The following PNMA8B variants were observed in gnomAD, a reference collection of about 807,000 sequenced individuals.
The protein encoded by PNMA8B is PNMA family member 8B, also known as paraneoplastic antigen-like protein 8B.
For missense variants in PNMA8B, 887 were observed against 885.8 expected (o/e 1.00, Z -0.02); for synonymous variants, 386 against 394.9 (o/e 0.98, Z 0.27).
Position 46,492,929 on chromosome 19 carries a change from T to C in PNMA8B, c.*629A>G, listed in dbSNP as rs11882222. 29,139 of 140,714 alleles carry C rather than the reference T, an allele frequency of 0.21. 3,334 individuals are homozygous for C. The highest frequency in any genetic ancestry group is 0.41 in the East Asian group (1,934 of 4,686). 8.7% of individuals were successfully genotyped at this position (140,714 alleles called of 1,614,324 possible). On this transcript the variant is annotated 3_prime_UTR_variant, in exon 1 of 1. Coordinates refer to ENST00000599531, the MANE Select transcript of PNMA8B (RefSeq NM_020709.3). ...TCCCTCTGCTCCCCCCTCCCCCTCC[T>C]CCTCCTCTTTCCCTTCTCCCACCGT...
chr19:46,495,560 C>G lies in PNMA8B; in HGVS notation c.-95G>C. 2 of 1,452,356 alleles carry G rather than the reference C, an allele frequency of 1.4e-6. No individual in the cohort carries two copies. Among genetic ancestry groups the G allele is most frequent in the South Asian group, 2.9e-5 (2 of 69,630 alleles). The allele number at this position is 1,452,356 out of a possible 1,614,324, so 90.0% of individuals were successfully genotyped here. On this transcript the variant is annotated 5_prime_UTR_variant, in exon 1 of 1. Transcript: ENST00000599531. ...GTGTCAATGCAACCCTAGAAAGCCA[C>G]TTGCAGGGCTTAGAGTCCCGGTTCC...
rs2147482718 is a variant in PNMA8B at position 46,492,238 on chromosome 19, GCA to G, written c.*1318_*1319del. ...AGGGAATGGAAATTGGGACGAGGAA[GCA>G]CACACATTGCCCCAGGGACAAGAAG... is the stretch of plus-strand genomic sequence containing the variant. On this transcript the variant is annotated 3_prime_UTR_variant, in exon 1 of 1. Transcript: ENST00000599531. 1 of 375,646 alleles carries G rather than the reference GCA, an allele frequency of 2.7e-6. No individual in the cohort carries two copies. The highest frequency in any genetic ancestry group is 2.1e-5 in the African/African-American group (1 of 48,276). The allele number at this position is 375,646 out of a possible 1,614,324, so 23.3% of individuals were successfully genotyped here.
rs1484001230 is a variant in PNMA8B, at chr19:46,495,348, G to A, written c.118C>T (p.Gln40Ter). The A allele has an allele frequency of 7.8e-7, 1 of 1,288,086 alleles. No homozygotes were observed. The highest frequency in any genetic ancestry group is 1.7e-5 in the Admixed American group (1 of 59,632). The allele number at this position is 1,288,086 out of a possible 1,614,324, so 79.8% of individuals were successfully genotyped here. Residue 40 changes from glutamine (Q) to a stop codon, truncating the protein, a stop_gained, in exon 1 of 1, where the codon CAG (glutamine) becomes TAG (stop). Coordinates refer to ENST00000599531, the MANE Select transcript of PNMA8B (RefSeq NM_020709.3). LOFTEE classifies it low-confidence loss of function (END_TRUNC). Reference sequence around the variant, plus strand: ...GTGCCCAGGGGCAGGAGGGTCGGCTGCAGGACGGCTTCGACGTCTGCCTGC... The same window carrying A: ...GTGCCCAGGGGCAGGAGGGTCGGCTACAGGACGGCTTCGACGTCTGCCTGC... Reference protein sequence around the residue: ...LEQADVEAVLQPTLLPLGTFR... With the variant: ...LEQADVEAVL
chr19:46,493,550 G>A lies in PNMA8B; in HGVS notation c.*8C>T. The A allele has an allele frequency of 7.4e-7, 1 of 1,353,876 alleles. No homozygotes were observed. The highest frequency in any genetic ancestry group is 1.5e-5 in the African/African-American group (1 of 66,260). The allele number at this position is 1,353,876 out of a possible 1,614,324, so 83.9% of individuals were successfully genotyped here. A position where few individuals can be genotyped will look rare whatever the true frequency, so the allele number is the denominator to read the frequency against. On this transcript the variant is annotated 3_prime_UTR_variant, in exon 1 of 1. Transcript: ENST00000599531. The surrounding 1 kb of genome is among the most constrained non-coding windows in gnomAD (Gnocchi z 5.3). Reference sequence around the variant, plus strand: ...TGCTCGCAGCCTGGGCGGCTTCTTGGGGGGCCACTAGCGGCATTTAGGGGG... The same window carrying A: ...TGCTCGCAGCCTGGGCGGCTTCTTGAGGGGCCACTAGCGGCATTTAGGGGG...
At position 46,495,318 on chromosome 19, in the gene PNMA8B, T is replaced by C. The variant is rs1391971693; in HGVS notation, c.148A>G (p.Arg50Gly). 1 of 1,328,886 alleles carries C rather than the reference T, an allele frequency of 7.5e-7. No individual in the cohort carries two copies. The allele number at this position is 1,328,886 out of a possible 1,614,324, so 82.3% of individuals were successfully genotyped here. A position where few individuals can be genotyped will look rare whatever the true frequency, so the allele number is the denominator to read the frequency against. ...QPTLLPLGTF[R>G]LRHMKALMNE... is the part of the protein sequence containing the mutation. ...ATCAAAGCCTTCATGTGTCGCAACC[T>C]GAACGTGCCCAGGGGCAGGAGGGTC... The change falls in exon 1 of 1, where the codon AGG (arginine) becomes GGG (glycine). Residue 50 changes from arginine (R) to glycine (G), a missense_variant. Transcript: ENST00000599531.
At position 46,494,276 on chromosome 19, in the gene PNMA8B, A is replaced by G. The variant is rs770703921; in HGVS notation, c.1190T>C (p.Val397Ala). The change falls in exon 1 of 1, where the codon GTG (valine) becomes GCG (alanine). Residue 397 changes from valine (V) to alanine (A), a missense_variant. By Grantham distance (64) the Val-to-Ala change is moderately conservative. Coordinates refer to ENST00000599531, the MANE Select transcript of PNMA8B (RefSeq NM_020709.3). ...RVKVEEAGRE[V>A]DAVVLRKAGD... ...GGCCTTGCGCAGGACCACGGCGTCC[A>G]CCTCGCGGCCCGCCTCTTCCACCTT... 1.2e-6 allele frequency: 2 copies of G among 1,609,782 alleles called. No individual in the cohort carries two copies. The highest frequency in any genetic ancestry group is 1.7e-6 in the Non-Finnish European group (2 of 1,179,310).
chr19:46,494,143 G>T lies in PNMA8B; in HGVS notation c.1323C>A (p.His441Gln). ...GRGLFGGWSE[H>Q]REDEGGLLEL... ...CCAGAAGACCCCCTTCGTCCTCACG[G>T]TGCTCGCTCCAGCCCCCGAAGAGGC... is the stretch of plus-strand genomic sequence containing the variant. The change falls in exon 1 of 1, where the codon CAC becomes CAA. Residue 441 changes from histidine to glutamine, a missense_variant. Coordinates refer to ENST00000599531, the MANE Select transcript of PNMA8B (RefSeq NM_020709.3). 2.5e-6 allele frequency: 4 copies of T among 1,611,056 alleles called. No individual in the cohort carries two copies. The highest frequency in any genetic ancestry group is 3.4e-6 in the Non-Finnish European group (4 of 1,179,870).
In PNMA8B at chr19:46,495,615, C is replaced by T. The variant is rs1299658636; in HGVS notation, c.-150G>A. ...AATGTGGCAAGGCTGGAGTGGGGCT[C>T]GGGGCTCGGGGGCTCTAGCTGCCTG... is the stretch of plus-strand genomic sequence containing the variant. On this transcript the variant is annotated 5_prime_UTR_variant, in exon 1 of 1. Transcript: ENST00000599531. The T allele has an allele frequency of 4.5e-5, 45 of 992,348 alleles. No individual in the cohort carries two copies. The South Asian group carries it at 6.9e-4, about 15-fold the overall frequency. 61.5% of individuals were successfully genotyped at this position (992,348 alleles called of 1,614,324 possible). A position where few individuals can be genotyped will look rare whatever the true frequency, so the allele number is the denominator to read the frequency against.
In PNMA8B at chr19:46,493,631, G is replaced by T. The variant is rs1350261787; in HGVS notation, c.1835C>A (p.Ala612Glu). The T allele has an allele frequency of 6.5e-7, 1 of 1,533,716 alleles. No individual in the cohort carries two copies. Among genetic ancestry groups the T allele is most frequent in the Non-Finnish European group, 8.7e-7 (1 of 1,151,046 alleles). The change falls in exon 1 of 1, where the codon GCG becomes GAG. Residue 612 changes from alanine (A) to glutamate (E), a missense_variant. Transcript: ENST00000599531. This position sits in a 1 kb window ranked among gnomAD's most constrained non-coding sequence, Gnocchi z 5.3. ...GCGCGCGGCCTTGGATCCAGTGGGC[G>T]CCTGGCCCTTGGCCTCGCCTGCCCT... ...HARAGEAKGQ[A>E]PTGSKAARGK...
In PNMA8B at chr19:46,491,191, G is replaced by A. The variant is rs1237756282; in HGVS notation, c.*2367C>T. 2 of 152,284 alleles carry A rather than the reference G, an allele frequency of 1.3e-5. No homozygotes were observed. The highest frequency in any genetic ancestry group is 2.9e-5 in the Non-Finnish European group (2 of 68,080). The allele number at this position is 152,284 out of a possible 1,614,324, so 9.4% of individuals were successfully genotyped here. On this transcript the variant is annotated 3_prime_UTR_variant, in exon 1 of 1. Transcript: ENST00000599531. The stretch of plus-strand genomic sequence containing the variant: ...TTGTGACGTGGCTGGGAAGACTGAG[G>A]ACATGCATGTGTATTTTTATTTAAT...
chr19:46,495,206 C>T lies in PNMA8B; in HGVS notation c.260G>A (p.Gly87Glu), dbSNP rs1217564478. The change falls in exon 1 of 1, where the codon GGG becomes GAG. Residue 87 changes from glycine to glutamate, a missense_variant. Gly to Glu is a moderately conservative substitution (Grantham distance 98). Coordinates refer to ENST00000599531, the MANE Select transcript of PNMA8B (RefSeq NM_020709.3). ...GTCCTTCCACAGAACCCTCCAGACC[C>T]CATCCTTGCCTGGGATCTCCCTGGG... is the stretch of plus-strand genomic sequence containing the variant. ...AIPREIPGKD[G>E]VWRVLWKDRA... The T allele has an allele frequency of 6.2e-7, 1 of 1,613,724 alleles. No individual in the cohort carries two copies. Among genetic ancestry groups the T allele is most frequent in the Non-Finnish European group, 8.5e-7 (1 of 1,179,596 alleles).
rs1324660910 is a variant in PNMA8B at position 46,491,594 on chromosome 19, G to C, written c.*1964C>G. 1 of 152,436 alleles carries C rather than the reference G, an allele frequency of 6.6e-6. No homozygotes were observed. Among genetic ancestry groups the C allele is most frequent in the Non-Finnish European group, 1.5e-5 (1 of 68,358 alleles). The allele number at this position is 152,436 out of a possible 1,614,324, so 9.4% of individuals were successfully genotyped here. A position where few individuals can be genotyped will look rare whatever the true frequency, so the allele number is the denominator to read the frequency against. The stretch of plus-strand genomic sequence containing the variant: ...GTCTCCATGGGTGTCCAGGGGCTTC[G>C]GAGCTGAGGCTGGAAGTGGGGAGGC... On this transcript the variant is annotated 3_prime_UTR_variant, in exon 1 of 1. Coordinates refer to ENST00000599531, the MANE Select transcript of PNMA8B (RefSeq NM_020709.3).
rs1441323858 is a variant in PNMA8B at position 46,494,381 on chromosome 19, C to A, written c.1085G>T (p.Trp362Leu). Residue 362 changes from tryptophan to leucine, a missense_variant, in exon 1 of 1, where the codon TGG becomes TTG. Trp to Leu is a moderately conservative substitution (Grantham distance 61, BLOSUM62 -2). Transcript: ENST00000599531. ...GTCTCGCTTGTCTTTCTCGTCGCTC[C>A]AGCCCAGCGACTCGATAACAGAAGC... ...KIASVIESLG[W>L]SDEKDKRDPL... 8 of 1,613,298 alleles carry A rather than the reference C, an allele frequency of 5.0e-6. No individual in the cohort carries two copies. The African/African-American group carries it at 1.1e-4, about 22-fold the overall frequency.
chr19:46,495,118 C>CGTG lies in PNMA8B; in HGVS notation c.345_347dup (p.Thr116dup). Reference sequence around the variant, plus strand: ...CGGGGGTCCCAGCCTCCGCGGCCTGCGTGGGCCCGTCATCCAGCAGCAGGC... The same window carrying CGTG: ...CGGGGGTCCCAGCCTCCGCGGCCTGCGTGGTGGGCCCGTCATCCAGCAGCAGGC... On this transcript the variant is annotated inframe_insertion, in exon 1 of 1. Transcript: ENST00000599531. The CGTG allele has an allele frequency of 6.2e-7, 1 of 1,613,694 alleles. No homozygotes were observed. Among genetic ancestry groups the CGTG allele is most frequent in the South Asian group, 1.1e-5 (1 of 91,074 alleles).
Position 46,493,971 on chromosome 19 carries a change from A to G in PNMA8B, c.1495T>C (p.Ser499Pro). Residue 499 changes from serine to proline, a missense_variant, in exon 1 of 1, where the codon TCC (serine) becomes CCC (proline). By Grantham distance (74) the Ser-to-Pro change is moderately conservative (BLOSUM62 -1). Transcript: ENST00000599531. The surrounding 1 kb of genome is among the most constrained non-coding windows in gnomAD (Gnocchi z 5.3). ...GAAGCCTCCTCCGACCCCTCGTTGGACCCCATGTTCTCCCGGGCGGCCAGG... is the reference window on the plus strand; with the variant it reads ...GAAGCCTCCTCCGACCCCTCGTTGGGCCCCATGTTCTCCCGGGCGGCCAGG... Reference protein sequence around the residue: ...ALLAARENMGSNEGSEEASDE... With the variant: ...ALLAARENMGPNEGSEEASDE... The G allele has an allele frequency of 6.2e-7, 1 of 1,609,738 alleles. No homozygotes were observed. Among genetic ancestry groups the G allele is most frequent in the African/African-American group, 1.4e-5 (1 of 73,374 alleles).
rs967833590 is a variant in PNMA8B, at chr19:46,494,354, G to T, written c.1112C>A (p.Pro371His). The T allele has an allele frequency of 1.2e-6, 2 of 1,613,224 alleles. No individual in the cohort carries two copies. The highest frequency in any genetic ancestry group is 3.3e-5 in the Admixed American group (2 of 60,028). ...GWSDEKDKRDPLRQVLSVMSK... is the reference protein window; with the variant it reads ...GWSDEKDKRDHLRQVLSVMSK... ...CATGACGGACAAGACCTGTCGGAGG[G>T]GGTCTCGCTTGTCTTTCTCGTCGCT... Residue 371 changes from proline (P) to histidine (H), a missense_variant, in exon 1 of 1, where the codon CCC becomes CAC. By Grantham distance (77) the Pro-to-His change is moderately conservative. Coordinates refer to ENST00000599531, the MANE Select transcript of PNMA8B (RefSeq NM_020709.3).
In PNMA8B at chr19:46,495,552, G is replaced by A; in HGVS notation, c.-87C>T. 1 of 1,474,388 alleles carries A rather than the reference G, an allele frequency of 6.8e-7. No homozygotes were observed. 91.3% of individuals were successfully genotyped at this position (1,474,388 alleles called of 1,614,324 possible). On this transcript the variant is annotated 5_prime_UTR_variant, in exon 1 of 1. Coordinates refer to ENST00000599531, the MANE Select transcript of PNMA8B (RefSeq NM_020709.3). ...AGCGCACGGTGTCAATGCAACCCTA[G>A]AAAGCCACTTGCAGGGCTTAGAGTC...
rs1970053645 is a variant in PNMA8B, at chr19:46,494,195, G to A, written c.1271C>T (p.Pro424Leu). 1.9e-6 allele frequency: 3 copies of A among 1,609,372 alleles called. No homozygotes were observed. The highest frequency in any genetic ancestry group is 2.5e-6 in the Non-Finnish European group (3 of 1,179,838). The change falls in exon 1 of 1, where the codon CCT (proline) becomes CTT (leucine). Residue 424 changes from proline to leucine, a missense_variant. By Grantham distance (98) the Pro-to-Leu change is moderately conservative. Coordinates refer to ENST00000599531, the MANE Select transcript of PNMA8B (RefSeq NM_020709.3). ...ACGCCCAGCCTTCTTCGCCTGGGGA[G>A]GGAGATCCGGCTGCGCCAAGGTGGA... Reference protein sequence around the residue: ...CISTLAQPDLPPQAKKAGRGL... With the variant: ...CISTLAQPDLLPQAKKAGRGL...
rs759387599 is a variant in PNMA8B at position 46,494,909 on chromosome 19, G to A, written c.557C>T (p.Pro186Leu). 8 of 1,611,740 alleles carry A rather than the reference G, an allele frequency of 5.0e-6. No individual in the cohort carries two copies. The South Asian group carries it at 6.6e-5, about 13-fold the overall frequency. ...KGKKRSRGGRPSAPARSEAED... is the reference protein window; with the variant it reads ...KGKKRSRGGRLSAPARSEAED... Reference sequence around the variant, plus strand: ...GGCCTCACTCCTCGCGGGAGCAGACGGCCGTCCTCCTCGGCTTCTCTTCTT... The same window carrying A: ...GGCCTCACTCCTCGCGGGAGCAGACAGCCGTCCTCCTCGGCTTCTCTTCTT... The change falls in exon 1 of 1, where the codon CCG becomes CTG. Residue 186 changes from proline to leucine, a missense_variant. Transcript: ENST00000599531.
Sources: allele counts gnomAD v4.1 joint callset, GRCh38; gene constraint gnomAD v4.1.1; non-coding constraint Gnocchi (gnomAD v3.1); transcripts MANE v1.5; gene names NCBI Gene and HGNC (gene_info 2026-07-23, HGNC 2026-07-21).